Variants in EPB41L5 observed in about 807,000 individuals in gnomAD.
EPB41L5 encodes erythrocyte membrane protein band 4.1 like 5.
EPB41L5 carries 55 observed loss-of-function variants against 106.6 expected under a neutral mutation model. The observed-to-expected ratio is 0.52, with a 90% CI of 0.42 to 0.65. The LOEUF (loss-of-function observed/expected upper bound fraction) is 0.65. Ranked by LOEUF, EPB41L5 falls within the 30% of genes least tolerant of loss-of-function variation. The pLI, the probability that EPB41L5 is intolerant of heterozygous loss-of-function variation, is 0.00. For synonymous variants in EPB41L5, 297 were observed against 306.7 expected (o/e 0.97, Z 0.33); for missense variants, 871 against 882.1 (o/e 0.99, Z 0.16).
chr2:120,064,853 G>A (rs899647594), intron 3 of EPB41L5, among the ~76,000 whole-genome samples: 3 of 152,036 alleles, frequency 2.0e-5, no homozygotes, highest in African/African-American at 4.8e-5. Flanking sequence ...TCCAGGCCTC[G>A]GTCTTGGAAT....
At chr2:120,029,053 G>T (rs1678529231) in intron 2 of EPB41L5, among the ~76,000 whole-genome samples, 1 of 152,160 alleles carries the variant, frequency 6.6e-6, no homozygotes, top group Non-Finnish European at 1.5e-5. Context: ...TATGAGATTT[G>T]GCAATAGATG....
At chr2:120,025,437 G>C (rs745831231) in intron 2 of EPB41L5, among the ~76,000 whole-genome samples, 5 of 151,820 alleles carry the variant, frequency 3.3e-5, no homozygotes, top group Admixed American at 6.6e-5. Context: ...TTGAGCCTAT[G>C]TGTGTCTTTG....
chr2:120,106,552 C>T (rs1204590433), intron 16 of EPB41L5: 1 of 985,410 alleles, frequency 1.0e-6, no homozygotes. Flanking sequence ...AAGCACCTTA[C>T]TGGGTCACCA....
intron 3 of EPB41L5, among the ~76,000 whole-genome samples, chr2:120,062,256 T>A (rs1402203979): frequency 6.6e-6 from 1 of 152,134 alleles, no homozygotes; most frequent in African/African-American, 2.4e-5. Context: ...TAGAAATAAA[T>A]AACATGTTAA....
chr2:120,055,983 A>C (rs1558831605), intron 3 of EPB41L5, among the ~76,000 whole-genome samples: 1 of 152,122 alleles, frequency 6.6e-6, no homozygotes, highest in East Asian at 1.9e-4. Flanking sequence ...TGTTGAATAG[A>C]AGCAGTGGGA....
chr2:120,135,826 T>C (rs962150547), intron 18 of EPB41L5, among the ~76,000 whole-genome samples: 7 of 152,270 alleles, frequency 4.6e-5, no homozygotes, highest in Non-Finnish European at 7.4e-5. Context: ...ACCTGTCTTA[T>C]AAGAAATGCT....
At chr2:120,018,122 G>A (rs950467395) in intron 1 of EPB41L5, among the ~76,000 whole-genome samples, 7 of 151,980 alleles carry the variant, frequency 4.6e-5, no homozygotes, top group African/African-American at 1.7e-4. Context: ...TACCACGCCC[G>A]GCTAATTTTT....
intron 10 of EPB41L5, among the ~76,000 whole-genome samples, chr2:120,083,582 G>T (rs1053978469): frequency 6.6e-6 from 1 of 152,206 alleles, no homozygotes; most frequent in East Asian, 1.9e-4. Context: ...ATATTCTGCT[G>T]ATTTGGGGTG....
At chr2:120,106,966 A>G (rs1360961579) in intron 16 of EPB41L5, 1 of 883,844 alleles carries the variant, frequency 1.1e-6, no homozygotes, top group Non-Finnish European at 1.4e-6. Context: ...TACAAACACT[A>G]ATATTGTAAT....
chr2:120,100,738 A>C lies in EPB41L5; in HGVS notation c.1261A>C (p.Ile421Leu), dbSNP rs201748115. The C allele has an allele frequency of 1.1e-4, 181 of 1,613,926 alleles. 1 individual carries two copies. The East Asian group carries it at 3.4e-3, about 30-fold the overall frequency. The change falls in exon 16 of 25, where the codon ATT (isoleucine) becomes CTT (leucine). Residue 421 changes from isoleucine to leucine, a missense_variant. Ile to Leu is a conservative substitution (Grantham distance 5, BLOSUM62 2). Coordinates refer to ENST00000263713, the MANE Select transcript of EPB41L5 (RefSeq NM_020909.4). ...MRSALPVSPS[I>L]SSAPVPVEIE... ...ATCTGCTCTGCCTGTGAGTCCTTCC[A>C]TTTCCTCTGCTCCTGTGCCAGTGGA...
At chr2:120,052,524 CTATT>C (rs1449398989) in intron 3 of EPB41L5, among the ~76,000 whole-genome samples, 2 of 152,112 alleles carry the variant, frequency 1.3e-5, no homozygotes, top group African/African-American at 2.4e-5. Context: ...ATCAAACTTT[CTATT>C]TATTTATGAA....
chr2:120,081,881 G>A (rs1281349636), intron 10 of EPB41L5, among the ~76,000 whole-genome samples: 2 of 152,070 alleles, frequency 1.3e-5, no homozygotes, highest in African/African-American at 4.8e-5. Flanking sequence ...ATTGTGAATG[G>A]GAGTTCACTC....
rs577805268 is a variant in EPB41L5, at chr2:120,053,631, G to T, written c.285+11521G>T. ...ATGTACTTAGCATAATGTTTTCATG[G>T]TTCATCCGTGTTGTAGCATATCTTA... On this transcript the variant is annotated intron_variant, in intron 3 of 24. Transcript: ENST00000263713. 6.6e-5 allele frequency among the ~76,000 whole-genome samples: 10 copies of T among 152,260 alleles called. No individual in the cohort carries two copies. In the East Asian group the frequency reaches 1.9e-3, roughly 29 times the overall value.
At chr2:120,172,414 A>G (rs2105576798) in intron 24 of EPB41L5, among the ~76,000 whole-genome samples, 1 of 152,358 alleles carries the variant, frequency 6.6e-6, no homozygotes, top group East Asian at 1.9e-4. Context: ...CGGAGTACGT[A>G]CAAAGGATTG....
chr2:120,096,116 G>T (rs1295162880), intron 14 of EPB41L5, among the ~76,000 whole-genome samples: 1 of 152,066 alleles, frequency 6.6e-6, no homozygotes, highest in Non-Finnish European at 1.5e-5. Context: ...ATTTATTTTT[G>T]AATTTGTCTG....
chr2:120,043,574 TAA>T (rs35808920), intron 3 of EPB41L5, among the ~76,000 whole-genome samples: 359 of 147,394 alleles, frequency 2.4e-3, no homozygotes, highest in African/African-American at 5.6e-3. Context: ...GATTTTTATT[TAA>T]AAAAAAAAAA....
intron 10 of EPB41L5, among the ~76,000 whole-genome samples, chr2:120,085,005 G>A (rs1362979153): frequency 6.6e-6 from 1 of 152,064 alleles, no homozygotes; most frequent in Non-Finnish European, 1.5e-5. Context: ...GTCTACACTA[G>A]TTATTCTAGT....
intron 16 of EPB41L5, among the ~76,000 whole-genome samples, chr2:120,118,080 C>T (rs991813571): frequency 1.3e-5 from 2 of 152,090 alleles, no homozygotes; most frequent in African/African-American, 4.8e-5. Context: ...TAGAGTTTTC[C>T]TCACTGCTAC....
chr2:120,084,590 AC>A (rs1682927456), intron 10 of EPB41L5, among the ~76,000 whole-genome samples: 1 of 152,014 alleles, frequency 6.6e-6, no homozygotes. Context: ...GGTGAATCTG[AC>A]AATCATGTGT....
Sources: gnomAD v4.1 joint callset for allele counts (sites outside exome capture counted in the v4.1 genomes callset) on GRCh38, gnomAD v4.1.1 for gene constraint, MANE v1.5 for transcripts, NCBI Gene and HGNC (gene_info 2026-07-23, HGNC 2026-07-21) for gene names.